CLTB: variants seen among roughly 807,000 people sequenced by gnomAD.
The protein encoded by CLTB is clathrin, light chain (Lcb).
CLTB carries 10 observed loss-of-function variants against 30.5 expected under a neutral mutation model. The observed-to-expected ratio is 0.33, with a 90% CI of 0.20 to 0.56. CLTB has a LOEUF of 0.56. Ranked by LOEUF, CLTB falls within the 20% of genes least tolerant of loss-of-function variation. CLTB has a pLI of 0.91. For synonymous variants in CLTB, 102 were observed against 120.3 expected, an observed-to-expected ratio of 0.85 and a Z score of 1.00; for missense variants, 261 against 308.3, an observed-to-expected ratio of 0.85 and a Z score of 1.15.
At chr5:176,396,134 TCAAAAAA>T (rs1482738816) in intron 5 of CLTB, among the ~76,000 whole-genome samples, 3 of 151,914 alleles carry the variant, frequency 2.0e-5, no homozygotes, top group Non-Finnish European at 4.4e-5. Flanking sequence ...AAACTCCATC[TCAAAAAA>T]CAAAAAACCC....
intron 1 of CLTB, among the ~76,000 whole-genome samples, chr5:176,413,539 G>C (rs919314417): frequency 1.3e-5 from 2 of 152,210 alleles, no homozygotes; most frequent in Admixed American, 1.3e-4. Flanking sequence ...TTCCCCAGGG[G>C]CAACTGAGCC....
chr5:176,407,827 G>A (rs145785575), intron 2 of CLTB, among the ~76,000 whole-genome samples: 1 of 152,318 alleles, frequency 6.6e-6, no homozygotes, highest in Non-Finnish European at 1.5e-5. Context: ...GACTTTTCCA[G>A]CTTGCTGATA....
At chr5:176,395,817 G>C (rs1479435967) in intron 5 of CLTB, among the ~76,000 whole-genome samples, 1 of 152,098 alleles carries the variant, frequency 6.6e-6, no homozygotes, top group Non-Finnish European at 1.5e-5. Flanking sequence ...AGCATCCCAT[G>C]CTCAGTGTCT....
intron 4 of CLTB, among the ~76,000 whole-genome samples, chr5:176,397,058 G>T (rs1473609070): frequency 2.0e-5 from 3 of 152,062 alleles, no homozygotes; most frequent in African/African-American, 7.2e-5. Flanking sequence ...CGTGCAGAGG[G>T]CCCTACTGTA....
chr5:176,396,669 T>C, intron 4 of CLTB, 137 bp from the exon 5 acceptor site: 1 of 734,718 alleles, frequency 1.4e-6, no homozygotes, highest in South Asian at 1.5e-5. Flanking sequence ...AGCATAGTTC[T>C]GGAAGGCTCA....
chr5:176,394,709 G>C (rs966922811), intron 5 of CLTB, among the ~76,000 whole-genome samples: 16 of 152,244 alleles, frequency 1.1e-4, no homozygotes, highest in African/African-American at 3.4e-4. Context: ...CAGCTACTCA[G>C]GAGGCCGAGG....
rs1159244677 is a variant in CLTB at position 176,397,665 on chromosome 5, G to A, written c.406C>T (p.Leu136=). ...QEWREKAKKD[L]EEWNQRQSEQ... ...CTCTGGCGCTGGTTCCACTCCTCCAGGTCCTTCTTGGCCTTCTCCCGCCAT... is the reference window on the plus strand; with the variant it reads ...CTCTGGCGCTGGTTCCACTCCTCCAAGTCCTTCTTGGCCTTCTCCCGCCAT... Residue 136 remains leucine (L), a synonymous_variant, in exon 4 of 6, where the codon CTG becomes TTG. Transcript: ENST00000310418. 6.2e-7 allele frequency: 1 copy of A among 1,612,762 alleles called. No homozygotes were observed. Among genetic ancestry groups the A allele is most frequent in the Non-Finnish European group, 8.5e-7 (1 of 1,179,780 alleles).
At chr5:176,409,037 C>T (rs530490615) in intron 2 of CLTB, among the ~76,000 whole-genome samples, 2 of 152,212 alleles carry the variant, frequency 1.3e-5, no homozygotes, top group African/African-American at 4.8e-5. Context: ...AGTGCAGTGG[C>T]GTGATCTCGG....
At chr5:176,400,767 C>T (rs1756778322) in intron 2 of CLTB, among the ~76,000 whole-genome samples, 1 of 152,194 alleles carries the variant, frequency 6.6e-6, no homozygotes, top group African/African-American at 2.4e-5. Flanking sequence ...ATCTTCTCCA[C>T]ACAGGAGTGT....
At chr5:176,394,537 G>T (rs1281759234) in intron 5 of CLTB, among the ~76,000 whole-genome samples, 2 of 151,814 alleles carry the variant, frequency 1.3e-5, no homozygotes, top group African/African-American at 2.4e-5. Flanking sequence ...GCTGGGTGTG[G>T]CCAGGCGCGG....
At chr5:176,403,357 C>A (rs1409657518) in intron 2 of CLTB, among the ~76,000 whole-genome samples, 1 of 150,856 alleles carries the variant, frequency 6.6e-6, no homozygotes, top group Non-Finnish European at 1.5e-5. Context: ...GCCAAGCCTG[C>A]CCTAAATTAA....
chr5:176,396,377 C>G, intron 5 of CLTB, 102 bp downstream of exon 5: 6 of 1,090,450 alleles, frequency 5.5e-6, no homozygotes, highest in Admixed American at 3.4e-5. Flanking sequence ...TTGCTCCGAG[C>G]CCAGCCACAC....
intron 4 of CLTB, 64 bp from the exon 5 acceptor site, chr5:176,396,596 G>A: frequency 8.5e-7 from 1 of 1,175,458 alleles, no homozygotes; most frequent in South Asian, 1.2e-5. Context: ...CAGACAGGCA[G>A]GCAGAAGGTT....
intron 5 of CLTB, 88 bp downstream of exon 5, chr5:176,396,391 T>C: frequency 2.4e-6 from 3 of 1,225,498 alleles, no homozygotes; most frequent in Non-Finnish European, 3.6e-6. Flanking sequence ...GCCACACTCA[T>C]TTATATCCCA....
At chr5:176,394,533 T>C (rs999802749) in intron 5 of CLTB, among the ~76,000 whole-genome samples, 36 of 151,830 alleles carry the variant, frequency 2.4e-4, no homozygotes, top group African/African-American at 7.5e-4. Context: ...ATTAGCTGGG[T>C]GTGGCCAGGC....
At chr5:176,413,128 T>C (rs1757531751) in intron 1 of CLTB, among the ~76,000 whole-genome samples, 1 of 152,142 alleles carries the variant, frequency 6.6e-6, no homozygotes. Context: ...TCCAAGTACC[T>C]GTTCCCACAG....
chr5:176,406,318 C>A, intron 2 of CLTB: 6 of 1,073,854 alleles, frequency 5.6e-6, no homozygotes, highest in Non-Finnish European at 6.8e-6. Flanking sequence ...CAGGGCCAGG[C>A]TTGTCTCAGT....
At chr5:176,416,555 C>A (rs1442543303), upstream of CLTB, 8 of 242,772 alleles carry the variant, frequency 3.3e-5, no homozygotes, top group Non-Finnish European at 5.1e-5. Context: ...GCGGGCGCCG[C>A]GGCGGGAGGA....
At chr5:176,402,777 C>T (rs368346440) in intron 2 of CLTB, among the ~76,000 whole-genome samples, 2 of 152,130 alleles carry the variant, frequency 1.3e-5, no homozygotes, top group African/African-American at 2.4e-5. Flanking sequence ...GCTGGGGAAA[C>T]GTGAACCTTG....
Sources: gnomAD v4.1 joint callset for allele counts (sites outside exome capture counted in the v4.1 genomes callset) on GRCh38, gnomAD v4.1.1 for gene constraint, MANE v1.5 for transcripts, NCBI Gene and HGNC (gene_info 2026-07-23, HGNC 2026-07-21) for gene names.